The following GALNT17 variants were observed in gnomAD, a reference collection of about 807,000 sequenced individuals.
The protein encoded by GALNT17 is polypeptide N-acetylgalactosaminyltransferase 17, also known as UDP-GalNAc:polypeptide N-acetylgalactosaminyltransferase-like 3.
A neutral mutation model predicts 63.7 loss-of-function variants in GALNT17; 29 were observed. The ratio of observed to expected loss-of-function variants is 0.46; its 90% CI spans 0.34 to 0.62. GALNT17 has a LOEUF of 0.62. Ranked by LOEUF, GALNT17 falls within the 20% of genes least tolerant of loss-of-function variation. The pLI is 0.01. For missense variants in GALNT17, 603 were observed against 799.6 expected, an observed-to-expected ratio of 0.75 and a Z score of 2.97; for synonymous variants, 305 against 318.3, an observed-to-expected ratio of 0.96 and a Z score of 0.45.
intron 6 of GALNT17, among the ~76,000 whole-genome samples, chr7:71,593,332 C>T: frequency 7.7e-6 from 1 of 129,252 alleles, no homozygotes; most frequent in African/African-American, 3.1e-5. Context: ...GTGGCATGAT[C>T]TCGGCTCATT....
intron 5 of GALNT17, among the ~76,000 whole-genome samples, chr7:71,468,147 T>A (rs1192509820): frequency 6.6e-6 from 1 of 151,548 alleles, no homozygotes; most frequent in Non-Finnish European, 1.5e-5. Context: ...CCTGCCGCAG[T>A]CTATAGTGTA....
chr7:71,600,172 G>A (rs778398946), intron 6 of GALNT17, among the ~76,000 whole-genome samples: 6 of 151,420 alleles, frequency 4.0e-5, no homozygotes, highest in Non-Finnish European at 8.8e-5. Flanking sequence ...TTGACCAAAG[G>A]AGCCACAGTG....
At chr7:71,323,866 A>T (rs1379600409) in intron 1 of GALNT17, among the ~76,000 whole-genome samples, 12 of 152,238 alleles carry the variant, frequency 7.9e-5, no homozygotes, top group Admixed American at 3.9e-4. Context: ...TCCTGTTCAC[A>T]AGAGACCAGT....
intron 5 of GALNT17, among the ~76,000 whole-genome samples, chr7:71,511,915 C>A (rs893765598): frequency 6.6e-6 from 1 of 151,986 alleles, no homozygotes; most frequent in Non-Finnish European, 1.5e-5. Context: ...ACTCTTAGGA[C>A]ACATGTCCCA....
chr7:71,266,022 T>C (rs909039305), intron 1 of GALNT17, among the ~76,000 whole-genome samples: 1 of 152,290 alleles, frequency 6.6e-6, no homozygotes, highest in East Asian at 1.9e-4. Context: ...CTCTCCTAGC[T>C]TCCAGAGGCT....
chr7:71,398,151 C>A (rs1396817622), intron 3 of GALNT17, among the ~76,000 whole-genome samples: 1 of 152,072 alleles, frequency 6.6e-6, no homozygotes, highest in Non-Finnish European at 1.5e-5. Context: ...CTTCCATCCT[C>A]AATCTATTGT....
Position 71,164,486 on chromosome 7 carries a change from A to G in GALNT17, c.238+31446A>G, listed in dbSNP as rs535714771. 2.0e-5 allele frequency among the ~76,000 whole-genome samples: 3 copies of G among 152,330 alleles called. No homozygotes were observed. In the South Asian group the frequency reaches 6.2e-4, roughly 32 times the overall value. ...CCTCCCTCGACTCGTGGGGATCACA[A>G]TTTGAGATGAGATTTGGGTGGGGAC... On this transcript the variant is annotated intron_variant, in intron 1 of 10. Coordinates refer to ENST00000333538, the MANE Select transcript of GALNT17 (RefSeq NM_022479.3).
intron 6 of GALNT17, among the ~76,000 whole-genome samples, chr7:71,615,245 T>G (rs1790183755): frequency 1.3e-5 from 2 of 152,164 alleles, no homozygotes; most frequent in African/African-American, 4.8e-5. Flanking sequence ...TTAGCTGCAG[T>G]GGCTCAATTG....
At chr7:71,578,647 TAG>T (rs1175507634) in intron 6 of GALNT17, among the ~76,000 whole-genome samples, 1 of 152,128 alleles carries the variant, frequency 6.6e-6, no homozygotes, top group Non-Finnish European at 1.5e-5. Context: ...TGGCCTTATA[TAG>T]AAATTATGAG....
chr7:71,568,128 T>G (rs971048635), intron 5 of GALNT17, among the ~76,000 whole-genome samples: 1 of 152,214 alleles, frequency 6.6e-6, no homozygotes, highest in Non-Finnish European at 1.5e-5. Flanking sequence ...TAACGGTGTT[T>G]CTGGCCTTTG....
intron 8 of GALNT17, 130 bp from the exon 9 acceptor site, chr7:71,677,081 G>A (rs922027559): frequency 2.3e-6 from 2 of 870,316 alleles, no homozygotes; most frequent in Non-Finnish European, 3.9e-6. Context: ...TTTGAGCCCT[G>A]GTCCTCACTT....
At chr7:71,263,689 C>T (rs1008214451) in intron 1 of GALNT17, among the ~76,000 whole-genome samples, 2 of 151,916 alleles carry the variant, frequency 1.3e-5, no homozygotes, top group Non-Finnish European at 2.9e-5. Flanking sequence ...TTTGAGAGGC[C>T]AAGGCGGGCG....
chr7:71,368,794 T>C (rs941295465), intron 2 of GALNT17, among the ~76,000 whole-genome samples: 1 of 151,904 alleles, frequency 6.6e-6, no homozygotes, highest in Non-Finnish European at 1.5e-5. Context: ...TGTTCTTCGG[T>C]GTGTTAAGAA....
chr7:71,585,229 C>T (rs1789697646), intron 6 of GALNT17, among the ~76,000 whole-genome samples: 1 of 152,128 alleles, frequency 6.6e-6, no homozygotes, highest in African/African-American at 2.4e-5. Flanking sequence ...GTCTGGTTAT[C>T]TCACTGTTTC....
intron 1 of GALNT17, among the ~76,000 whole-genome samples, chr7:71,293,137 C>T (rs754120904): frequency 7.2e-5 from 11 of 152,214 alleles, no homozygotes; most frequent in Middle Eastern, 6.8e-3. Context: ...ATTTTTGTAT[C>T]TTGGCCATTG....
chr7:71,475,804 A>G (rs1323460053), intron 5 of GALNT17, among the ~76,000 whole-genome samples: 10 of 152,228 alleles, frequency 6.6e-5, no homozygotes, highest in Non-Finnish European at 8.8e-5. Context: ...AGGTATCCCC[A>G]GTGAGTCTGC....
At chr7:71,616,773 G>A (rs926329194) in intron 6 of GALNT17, among the ~76,000 whole-genome samples, 1 of 130,918 alleles carries the variant, frequency 7.6e-6, no homozygotes, top group East Asian at 2.1e-4. Flanking sequence ...TATATATTAT[G>A]TGTTAATATG....
At chr7:71,671,430 G>A (rs939004036) in intron 8 of GALNT17, among the ~76,000 whole-genome samples, 2 of 152,182 alleles carry the variant, frequency 1.3e-5, no homozygotes, top group African/African-American at 4.8e-5. Context: ...TTCTTTGCCT[G>A]CTGCCTTTTA....
intron 1 of GALNT17, among the ~76,000 whole-genome samples, chr7:71,243,501 G>A (rs1790038744): frequency 6.6e-6 from 1 of 151,968 alleles, no homozygotes; most frequent in Non-Finnish European, 1.5e-5. Flanking sequence ...TCTACTAAAG[G>A]TTTCTTTTCC....
Sources: gnomAD v4.1 joint callset for allele counts (sites outside exome capture counted in the v4.1 genomes callset) on GRCh38, gnomAD v4.1.1 for gene constraint, MANE v1.5 for transcripts, NCBI Gene and HGNC (gene_info 2026-07-23, HGNC 2026-07-21) for gene names.